SLC38A5: variants seen among roughly 807,000 people sequenced by gnomAD.
The protein encoded by SLC38A5 is sodium-coupled neutral amino acid transporter 5.
Under a neutral mutation model 34.6 loss-of-function variants are expected in SLC38A5, and 9 were observed. The observed-to-expected ratio is 0.26, with a 90% CI of 0.16 to 0.45. The LOEUF (loss-of-function observed/expected upper bound fraction) is 0.45. Ranked by LOEUF, SLC38A5 falls within the 20% of genes least tolerant of loss-of-function variation. SLC38A5 has a pLI of 1.00. For missense variants in SLC38A5, 253 were observed against 394.7 expected (o/e 0.64, Z 3.04); for synonymous variants, 157 against 155.6 (o/e 1.01, Z -0.07).
Position 48,466,064 on chromosome X carries a change from A to G in SLC38A5, c.442T>C (p.Ser148Pro). Residue 148 changes from serine (S) to proline (P), a missense_variant, in exon 8 of 17, where the codon TCT becomes CCT. By Grantham distance (74) the Ser-to-Pro change is moderately conservative. Around this residue, in one of 3 missense-constraint regions of SLC38A5, gnomAD observed 176 missense variants for 273.0 expected, o/e 0.64. Transcript: ENST00000620913. ...AMSSYLFIIK[S>P]ELPLVIGTFL... ...GTGCCGATAACCAGGGGGAGCTCAG[A>G]TTTGATGATGAACAGGTAACTGGAC... The G allele has an allele frequency of 8.3e-7, 1 of 1,204,228 alleles. No individual in the cohort carries two copies. Among genetic ancestry groups the G allele is most frequent in the Non-Finnish European group, 1.1e-6 (1 of 891,529 alleles).
In SLC38A5 at chrX:48,459,829, G is replaced by A. The variant is rs782619148; in HGVS notation, c.1116C>T (p.Ser372=). ...GAGCTATGGCCACATGTCGTGGCCA[G>A]CTGAAGGCCTTGCCTGGGAAAAGCA... ...QQLLFPGKAF[S]WPRHVAIALI... The change falls in exon 15 of 17, where the codon AGC becomes AGT. Residue 372 remains serine (S), a synonymous_variant. Transcript: ENST00000620913. The A allele has an allele frequency of 8.3e-7, 1 of 1,211,453 alleles. No individual in the cohort carries two copies. Among genetic ancestry groups the A allele is most frequent in the Non-Finnish European group, 1.1e-6 (1 of 895,265 alleles).
At chrX:48,468,896 G>A in intron 2 of SLC38A5, 5 of 753,013 alleles carry the variant, frequency 6.6e-6, no homozygotes, top group Non-Finnish European at 7.8e-6. Flanking sequence ...GAGTTTCCTG[G>A]GGTGGGGGTG....
In SLC38A5 at chrX:48,460,742, C is replaced by G; in HGVS notation, c.975G>C (p.Leu325=). The change falls in exon 14 of 17, where the codon CTG becomes CTC. Residue 325 remains leucine (L), a synonymous_variant. Transcript: ENST00000620913. ...GCGGGTCCTTCTGGCTGTACATGTG[C>G]AGCATCTCCGCCTTCACACTGCCTG... ...TFYSSVKAEM[L]HMYSQKDPLI... is the part of the protein sequence containing the mutation. The G allele has an allele frequency of 8.3e-7, 1 of 1,211,710 alleles. No individual in the cohort carries two copies. Among genetic ancestry groups the G allele is most frequent in the Non-Finnish European group, 1.1e-6 (1 of 895,374 alleles).
intron 8 of SLC38A5, among the ~76,000 whole-genome samples, chrX:48,465,310 TCACA>T (rs57524341): frequency 9.0e-4 from 93 of 103,475 alleles, no homozygotes; most frequent in African/African-American, 2.7e-3. Flanking sequence ...CATTCAGGGA[TCACA>T]CACACACACA....
rs1284219377 is a variant in SLC38A5 at position 48,468,556 on chromosome X, C to T, written c.-1-631G>A. ...CAGACTCGGAGACCCCTGCCCCAGA[C>T]GCTGCAAACTGCTCTCTGCCACGAC... is the stretch of plus-strand genomic sequence containing the variant. On this transcript the variant is annotated intron_variant, in intron 2 of 16. Transcript: ENST00000620913. The T allele has an allele frequency of 3.5e-5, 9 of 260,690 alleles. No individual in the cohort carries two copies. The South Asian group carries it at 7.6e-4, about 22-fold the overall frequency. The allele number at this position is 260,690 out of a possible 1,213,427, so 21.5% of individuals were successfully genotyped here. A position where few individuals can be genotyped will look rare whatever the true frequency, so the allele number is the denominator to read the frequency against.
intron 8 of SLC38A5, among the ~76,000 whole-genome samples, chrX:48,465,310 TCA>T (rs57524341): frequency 8.7e-5 from 9 of 103,365 alleles, no homozygotes; most frequent in East Asian, 6.1e-4. Flanking sequence ...CATTCAGGGA[TCA>T]CACACACACA....
intron 16 of SLC38A5, 88 bp from the exon 17 acceptor site, chrX:48,459,122 C>T (rs2061418045): frequency 1.0e-6 from 1 of 964,046 alleles, no homozygotes; most frequent in African/African-American, 1.9e-5. Context: ...CCACCTCCTT[C>T]AGAGAGTGCT....
Position 48,459,714 on chromosome X carries a change from G to T in SLC38A5, c.1213+18C>A, listed in dbSNP as rs1556961423. 1 of 1,208,770 alleles carries T rather than the reference G, an allele frequency of 8.3e-7. No individual in the cohort carries two copies. The highest frequency in any genetic ancestry group is 1.1e-6 in the Non-Finnish European group (1 of 894,013). On this transcript the variant is annotated intron_variant, in intron 15 of 16. Transcript: ENST00000620913. ...CCCATATTAGATGGGGTATGGGACTGGGGTGAGGTTTACTGACCGATAACT... is the reference window on the plus strand; with the variant it reads ...CCCATATTAGATGGGGTATGGGACTTGGGTGAGGTTTACTGACCGATAACT...
intron 9 of SLC38A5, 42 bp from the exon 10 acceptor site, chrX:48,462,333 G>T (rs375332644): frequency 1.7e-6 from 2 of 1,164,437 alleles, no homozygotes; most frequent in African/African-American, 1.8e-5. Context: ...TCAGCCAGGC[G>T]TGGTGGCTCA....
Position 48,468,861 on chromosome X carries a change from C to CA in SLC38A5, c.-2+473dup, listed in dbSNP as rs1455048732. The stretch of plus-strand genomic sequence containing the variant: ...GAAGAGCTATTTCTGAGACCTTCAT[C>CA]AAAGACCCCCTCCCGTGGCCTACCG... On this transcript the variant is annotated intron_variant, in intron 2 of 16. Coordinates refer to ENST00000620913, the MANE Select transcript of SLC38A5 (RefSeq NM_033518.4). The CA allele has an allele frequency of 1.7e-5, 13 of 750,888 alleles. No individual in the cohort carries two copies. The African/African-American group carries it at 2.6e-4, about 15-fold the overall frequency. 61.9% of individuals were successfully genotyped at this position (750,888 alleles called of 1,213,427 possible).
Position 48,458,661 on chromosome X carries a change from T to G in SLC38A5, c.*272A>C, listed in dbSNP as rs1478560111. 1 of 828,212 alleles carries G rather than the reference T, an allele frequency of 1.2e-6. No individual in the cohort carries two copies. The highest frequency in any genetic ancestry group is 1.5e-6 in the Non-Finnish European group (1 of 668,574). The allele number at this position is 828,212 out of a possible 1,213,427, so 68.3% of individuals were successfully genotyped here. On this transcript the variant is annotated 3_prime_UTR_variant, in exon 17 of 17. Coordinates refer to ENST00000620913, the MANE Select transcript of SLC38A5 (RefSeq NM_033518.4). ...GCAAAGGCTCCACCAGGACCTGGCC[T>G]CCTCCTCCTCCTCCTCCTCCTCCTC...
chrX:48,465,906 A>G (rs1372652569), intron 8 of SLC38A5, 109 bp downstream of exon 8: 6 of 703,121 alleles, frequency 8.5e-6, no homozygotes, highest in African/African-American at 2.2e-5. Flanking sequence ...AGCAGTCTCA[A>G]ACTAGAACAT....
In SLC38A5 at chrX:48,462,984, G is replaced by C; in HGVS notation, c.492-4C>G. Reference sequence around the variant, plus strand: ...GTTTCCCTTCAAGAACCAGTCCCTAGAGAGACAGGAAGACACAGTGCCTAG... The same window carrying C: ...GTTTCCCTTCAAGAACCAGTCCCTACAGAGACAGGAAGACACAGTGCCTAG... On this transcript the variant is annotated splice_region_variant and splice_polypyrimidine_tract_variant and intron_variant, in intron 8 of 16. Transcript: ENST00000620913. 8.4e-7 allele frequency: 1 copy of C among 1,189,677 alleles called. No homozygotes were observed. Among genetic ancestry groups the C allele is most frequent in the Non-Finnish European group, 1.1e-6 (1 of 880,154 alleles).
At chrX:48,463,261 T>C (rs1281325909) in intron 8 of SLC38A5, among the ~76,000 whole-genome samples, 2 of 112,236 alleles carry the variant, frequency 1.8e-5, no homozygotes, top group Non-Finnish European at 3.8e-5. Flanking sequence ...TCGCAAGTGG[T>C]TGCACAACCA....
chrX:48,462,168 G>A, intron 10 of SLC38A5, 24 bp from the exon 11 acceptor site: 1 of 1,210,695 alleles, frequency 8.3e-7, no homozygotes, highest in East Asian at 3.0e-5. Context: ...CAGCAGGGAA[G>A]CCAGGTCATG....
intron 8 of SLC38A5, 94 bp from the exon 9 acceptor site, chrX:48,463,074 C>T (rs2061445651): frequency 1.4e-5 from 10 of 706,328 alleles, no homozygotes; most frequent in African/African-American, 2.2e-5. Context: ...CAGCTTTCTG[C>T]CCTAAGTCAG....
intron 2 of SLC38A5, chrX:48,468,148 C>T (rs2061492776): frequency 9.9e-7 from 1 of 1,015,075 alleles, no homozygotes; most frequent in Non-Finnish European, 1.3e-6. Flanking sequence ...AGGAGAGAAG[C>T]CAACAGTTAG....
intron 8 of SLC38A5, among the ~76,000 whole-genome samples, chrX:48,463,855 GA>G (rs1569469956): frequency 3.3e-5 from 1 of 30,628 alleles, no homozygotes. Flanking sequence ...GAAAGAGAGA[GA>G]AAGAAAGAAA....
At chrX:48,468,924 C>T (rs920466072) in intron 2 of SLC38A5, 96 of 750,907 alleles carry the variant, frequency 1.3e-4, no homozygotes, top group Middle Eastern at 7.5e-4. Context: ...AATCCCCACC[C>T]GAGCCTGGAG....
Sources: allele counts gnomAD v4.1 joint callset (sites outside exome capture counted in the v4.1 genomes callset), GRCh38; gene constraint gnomAD v4.1.1; regional missense constraint gnomAD v4.1.1; transcripts MANE v1.5; gene names NCBI Gene and HGNC (gene_info 2026-07-23, HGNC 2026-07-21).